DLG2: variants seen among roughly 807,000 people sequenced by gnomAD.
The protein encoded by DLG2 is disks large homolog 2.
A neutral mutation model predicts 132.5 loss-of-function variants in DLG2; 45 were observed. The observed-to-expected ratio is 0.34, with a 90% CI of 0.27 to 0.44. The LOEUF (loss-of-function observed/expected upper bound fraction) is 0.44, where lower values mean the gene tolerates loss of function less well. DLG2 is among the 20% of genes least tolerant of loss of function. The probability of loss-of-function intolerance (pLI) is 1.00; values close to 1 mark genes in which losing one functional copy is unlikely to be tolerated. For missense variants in DLG2, 1,045 were observed against 1,196.9 expected (o/e 0.87, Z 1.87); for synonymous variants, 424 against 419.6 (o/e 1.01, Z -0.13).
chr11:83,743,113 G>C (rs1263425727), intron 18 of DLG2, among the ~76,000 whole-genome samples: 2 of 152,170 alleles, frequency 1.3e-5, no homozygotes, highest in Admixed American at 6.6e-5. Context: ...TCTTAGGCCA[G>C]GTCATAGGTA....
intron 3 of DLG2, among the ~76,000 whole-genome samples, chr11:85,486,508 T>A (rs757181696): frequency 1.3e-5 from 2 of 152,136 alleles, no homozygotes; most frequent in East Asian, 1.9e-4. Flanking sequence ...GAGCATGCCA[T>A]CCAGAAGCCT....
At chr11:85,226,082 C>A (rs1266981675) in intron 4 of DLG2, among the ~76,000 whole-genome samples, 1 of 151,840 alleles carries the variant, frequency 6.6e-6, no homozygotes, top group African/African-American at 2.4e-5. Context: ...AAAAATATTT[C>A]TTGAGTTCAA....
chr11:85,149,363 G>A (rs1188416420), intron 5 of DLG2, among the ~76,000 whole-genome samples: 3 of 152,114 alleles, frequency 2.0e-5, no homozygotes, highest in Non-Finnish European at 4.4e-5. Context: ...TCATGCTATT[G>A]ATTCTTCCTA....
At chr11:84,434,010 C>T (rs55769270) in intron 7 of DLG2, among the ~76,000 whole-genome samples, 3,282 of 150,974 alleles carry the variant, frequency 0.022, 112 homozygotes, top group African/African-American at 0.069. Context: ...CCCAGCTACT[C>T]GGAAGGCTGC....
intron 6 of DLG2, among the ~76,000 whole-genome samples, chr11:84,539,706 C>T (rs551126795): frequency 3.3e-5 from 5 of 152,212 alleles, no homozygotes; most frequent in South Asian, 4.1e-4. Context: ...ATGGAAGGTA[C>T]GTTAAAGTTC....
At chr11:84,270,800 T>G (rs2097711061) in intron 7 of DLG2, among the ~76,000 whole-genome samples, 1 of 152,222 alleles carries the variant, frequency 6.6e-6, no homozygotes, top group Non-Finnish European at 1.5e-5. Context: ...TGACTATACT[T>G]TATAGACATT....
intron 6 of DLG2, among the ~76,000 whole-genome samples, chr11:84,885,687 A>T (rs1017133831): frequency 1.7e-4 from 26 of 152,096 alleles, no homozygotes; most frequent in African/African-American, 6.3e-4. Flanking sequence ...TGTGTGTAGC[A>T]CAGTACCTGG....
intron 9 of DLG2, among the ~76,000 whole-genome samples, chr11:84,111,856 C>T (rs1161179415): frequency 2.6e-5 from 4 of 152,182 alleles, no homozygotes; most frequent in Admixed American, 2.0e-4. Context: ...TCCTCTCATC[C>T]ATCATTTACC....
At chr11:84,821,656 A>C (rs1344360557) in intron 6 of DLG2, among the ~76,000 whole-genome samples, 1 of 151,276 alleles carries the variant, frequency 6.6e-6, no homozygotes. Flanking sequence ...AACAACAAAA[A>C]AAACAAAAAA....
chr11:84,130,290 G>C (rs1027233411), intron 9 of DLG2, among the ~76,000 whole-genome samples: 9 of 151,734 alleles, frequency 5.9e-5, no homozygotes, highest in African/African-American at 2.2e-4. Context: ...ATTCTACATA[G>C]AAACACAAGT....
At chr11:84,316,785 C>T (rs1244881206) in intron 7 of DLG2, 1 of 1,548,326 alleles carries the variant, frequency 6.5e-7, no homozygotes, top group Non-Finnish European at 8.7e-7. Context: ...CTCTCACTTT[C>T]TTCAGACACT....
chr11:83,785,582 A>C (rs1277965405), intron 18 of DLG2, among the ~76,000 whole-genome samples: 1 of 152,264 alleles, frequency 6.6e-6, no homozygotes. Flanking sequence ...TTAATTTCAA[A>C]TTCTAATTCT....
At chr11:85,092,201 G>A (rs758459125) in intron 6 of DLG2, among the ~76,000 whole-genome samples, 4 of 152,040 alleles carry the variant, frequency 2.6e-5, no homozygotes, top group Non-Finnish European at 4.4e-5. Flanking sequence ...TCAATAAGCA[G>A]TAATATTTTG....
chr11:83,898,892 T>A (rs12276012), intron 15 of DLG2, among the ~76,000 whole-genome samples: 1 of 152,134 alleles, frequency 6.6e-6, no homozygotes, highest in Non-Finnish European at 1.5e-5. Context: ...AAAATATGAC[T>A]ATAGCATAAT....
chr11:84,073,546 C>A (rs1218078260), intron 10 of DLG2, among the ~76,000 whole-genome samples: 2 of 152,136 alleles, frequency 1.3e-5, no homozygotes, highest in Admixed American at 6.5e-5. Context: ...AAGATACTGG[C>A]CCTTGACCTA....
At chr11:83,905,136 T>C (rs1565578348) in intron 15 of DLG2, among the ~76,000 whole-genome samples, 1 of 152,196 alleles carries the variant, frequency 6.6e-6, no homozygotes, top group Non-Finnish European at 1.5e-5. Flanking sequence ...TAATATTTAA[T>C]GAGTGGCAAA....
chr11:83,860,695 G>C (rs2061318965), intron 16 of DLG2, among the ~76,000 whole-genome samples: 1 of 152,160 alleles, frequency 6.6e-6, no homozygotes, highest in Non-Finnish European at 1.5e-5. Context: ...AGGCATGATT[G>C]ATTTTGAAAT....
At chr11:84,596,196 C>G (rs970596996) in intron 6 of DLG2, among the ~76,000 whole-genome samples, 7 of 150,364 alleles carry the variant, frequency 4.7e-5, no homozygotes, top group South Asian at 4.3e-4. Flanking sequence ...CTCTGTCTCT[C>G]TCTCTCTCTC....
At chr11:83,953,553 G>C (rs2086033186) in intron 14 of DLG2, among the ~76,000 whole-genome samples, 1 of 152,152 alleles carries the variant, frequency 6.6e-6, no homozygotes, top group African/African-American at 2.4e-5. Flanking sequence ...GTGGTCCCTG[G>C]TGCCAAAAAG....
Sources: allele counts gnomAD v4.1 joint callset (sites outside exome capture counted in the v4.1 genomes callset), GRCh38; gene constraint gnomAD v4.1.1; transcripts MANE v1.5; gene names NCBI Gene and HGNC (gene_info 2026-07-23, HGNC 2026-07-21).